Variants in KCND2 observed in about 807,000 individuals in gnomAD.
The protein encoded by KCND2 is potassium voltage-gated channel subfamily D member 2.
Under a neutral mutation model 54.4 loss-of-function variants are expected in KCND2, and 16 were observed. That is an observed-to-expected ratio of 0.29 (90% CI 0.20 to 0.45). KCND2 has a LOEUF of 0.45. KCND2 is among the 20% of genes least tolerant of loss of function. The pLI, the probability that KCND2 is intolerant of heterozygous loss-of-function variation, is 1.00. For missense variants in KCND2, 486 were observed against 824.2 expected, an observed-to-expected ratio of 0.59 and a Z score of 5.02; for synonymous variants, 317 against 310.7, an observed-to-expected ratio of 1.02 and a Z score of -0.21.
At chr7:120,610,032 A>G (rs865776688) in intron 1 of KCND2, among the ~76,000 whole-genome samples, 6 of 152,140 alleles carry the variant, frequency 3.9e-5, no homozygotes, top group Admixed American at 1.3e-4. Context: ...TCCACAAGTA[A>G]TACATACCTA....
chr7:120,365,179 G>A (rs1018812136), intron 1 of KCND2, among the ~76,000 whole-genome samples: 1 of 138,714 alleles, frequency 7.2e-6, no homozygotes, highest in Admixed American at 7.6e-5. Context: ...GGAGCAAAGA[G>A]AGGAAGGAAG....
chr7:120,486,937 G>A (rs1802703537), intron 1 of KCND2, among the ~76,000 whole-genome samples: 1 of 151,982 alleles, frequency 6.6e-6, no homozygotes, highest in Non-Finnish European at 1.5e-5. Flanking sequence ...GAGCTACAAA[G>A]GAAACATGCT....
At chr7:120,373,502 G>A (rs1800793002) in intron 1 of KCND2, among the ~76,000 whole-genome samples, 1 of 151,838 alleles carries the variant, frequency 6.6e-6, no homozygotes, top group African/African-American at 2.4e-5. Context: ...TCATTTATGA[G>A]AATAATAATG....
At chr7:120,558,093 T>A (rs935155441) in intron 1 of KCND2, among the ~76,000 whole-genome samples, 16 of 152,144 alleles carry the variant, frequency 1.1e-4, no homozygotes, top group African/African-American at 3.9e-4. Context: ...TTCACGGATC[T>A]CCAACTTTTT....
At chr7:120,390,938 T>C (rs1801065917) in intron 1 of KCND2, among the ~76,000 whole-genome samples, 1 of 152,106 alleles carries the variant, frequency 6.6e-6, no homozygotes, top group Non-Finnish European at 1.5e-5. Flanking sequence ...CTGGGATACA[T>C]GTGCTGAATG....
intron 1 of KCND2, among the ~76,000 whole-genome samples, chr7:120,389,312 C>T (rs776624625): frequency 2.0e-5 from 3 of 151,834 alleles, no homozygotes; most frequent in Non-Finnish European, 1.5e-5. Context: ...GATTATTACA[C>T]TCAAGCAAGT....
chr7:120,275,424 C>A lies in KCND2; in HGVS notation c.792C>A (p.Ile264=). ...RYRFVRSVMS[I]IDVVAILPYY... ...GTTTTGTGCGTAGTGTCATGAGTAT[C>A]ATCGACGTGGTGGCCATCCTGCCTT... Residue 264 remains isoleucine (I), a synonymous_variant, in exon 1 of 6, where the codon ATC becomes ATA. Coordinates refer to ENST00000331113, the MANE Select transcript of KCND2 (RefSeq NM_012281.3). The A allele has an allele frequency of 6.2e-7, 1 of 1,613,812 alleles. No homozygotes were observed. The highest frequency in any genetic ancestry group is 8.5e-7 in the Non-Finnish European group (1 of 1,179,986).
intron 1 of KCND2, among the ~76,000 whole-genome samples, chr7:120,647,287 C>T (rs551805063): frequency 6.6e-6 from 1 of 152,262 alleles, no homozygotes; most frequent in Non-Finnish European, 1.5e-5. Context: ...TGCCTGGCAG[C>T]CCTGACTGCC....
chr7:120,424,008 A>G (rs868519857), intron 1 of KCND2, among the ~76,000 whole-genome samples: 42 of 152,248 alleles, frequency 2.8e-4, no homozygotes, highest in African/African-American at 9.9e-4. Flanking sequence ...CTAAAGGGAT[A>G]AAAACATAAA....
At chr7:120,551,720 C>A (rs1199626322) in intron 1 of KCND2, among the ~76,000 whole-genome samples, 1 of 152,124 alleles carries the variant, frequency 6.6e-6, no homozygotes, top group Non-Finnish European at 1.5e-5. Flanking sequence ...TCAAACTGTG[C>A]CTATTTTTAA....
intron 1 of KCND2, among the ~76,000 whole-genome samples, chr7:120,475,060 A>G (rs1291173679): frequency 1.3e-5 from 2 of 152,182 alleles, no homozygotes; most frequent in African/African-American, 4.8e-5. Context: ...GAACTGAGCA[A>G]TTTATATTTC....
intron 1 of KCND2, among the ~76,000 whole-genome samples, chr7:120,401,870 A>G (rs759126295): frequency 5.9e-5 from 9 of 152,086 alleles, no homozygotes; most frequent in Non-Finnish European, 1.2e-4. Flanking sequence ...TTATATCCTA[A>G]AGCACATTGA....
intron 1 of KCND2, among the ~76,000 whole-genome samples, chr7:120,296,381 C>T (rs1279979061): frequency 6.6e-6 from 1 of 151,870 alleles, no homozygotes; most frequent in Non-Finnish European, 1.5e-5. Flanking sequence ...ATTCCTAGGA[C>T]CATGGAGAGA....
intron 1 of KCND2, among the ~76,000 whole-genome samples, chr7:120,645,387 A>G (rs1237784449): frequency 6.6e-6 from 1 of 152,180 alleles, no homozygotes; most frequent in Non-Finnish European, 1.5e-5. Context: ...GACTAGTGGC[A>G]TGCTAATATA....
chr7:120,527,228 C>T (rs1045364733), intron 1 of KCND2, among the ~76,000 whole-genome samples: 7 of 152,096 alleles, frequency 4.6e-5, no homozygotes, highest in African/African-American at 1.4e-4. Context: ...ATTAAATCAA[C>T]TTTAATAAAA....
chr7:120,582,903 T>TATGACATTAGTTTCTCATCCTA (rs1792536010), intron 1 of KCND2, among the ~76,000 whole-genome samples: 1 of 152,056 alleles, frequency 6.6e-6, no homozygotes, highest in South Asian at 2.1e-4. Context: ...TTCTTTAGCT[T>TATGACATTAGTTTCTCATCCTA]ATGACATTAG....
intron 1 of KCND2, among the ~76,000 whole-genome samples, chr7:120,637,669 A>T (rs1387787097): frequency 6.6e-6 from 1 of 152,126 alleles, no homozygotes; most frequent in East Asian, 1.9e-4. Flanking sequence ...ACTTGATTTA[A>T]TCACTGTTTA....
intron 1 of KCND2, among the ~76,000 whole-genome samples, chr7:120,420,782 A>G (rs906455231): frequency 3.3e-5 from 5 of 152,178 alleles, no homozygotes; most frequent in Admixed American, 6.5e-5. Flanking sequence ...TATAAAGACC[A>G]AGGGAATAGA....
At chr7:120,399,787 G>A (rs1339859261) in intron 1 of KCND2, among the ~76,000 whole-genome samples, 1 of 151,748 alleles carries the variant, frequency 6.6e-6, no homozygotes, top group Non-Finnish European at 1.5e-5. Flanking sequence ...ATGCAGTGGT[G>A]TGATCTCGGC....
Sources: gnomAD v4.1 joint callset for allele counts (sites outside exome capture counted in the v4.1 genomes callset) on GRCh38, gnomAD v4.1.1 for gene constraint, MANE v1.5 for transcripts, NCBI Gene and HGNC (gene_info 2026-07-23, HGNC 2026-07-21) for gene names.